OCA2: variants seen among roughly 807,000 people sequenced by gnomAD.
The protein encoded by OCA2 is OCA2 melanosomal transmembrane protein, also known as P protein.
In OCA2, 77 loss-of-function variants were observed where a neutral mutation model predicts 100.2. The ratio of observed to expected loss-of-function variants is 0.77; its 90% CI spans 0.64 to 0.93. The LOEUF (loss-of-function observed/expected upper bound fraction) is 0.93, where lower values mean the gene tolerates loss of function less well. OCA2 is among the 40% of genes least tolerant of loss of function. The pLI is 0.00. For missense variants in OCA2, 1,062 were observed against 1,089.1 expected, an observed-to-expected ratio of 0.98 and a Z score of 0.35; for synonymous variants, 432 against 439.2, an observed-to-expected ratio of 0.98 and a Z score of 0.21.
At chr15:27,998,367 C>A (rs1356153245) in intron 9 of OCA2, among the ~76,000 whole-genome samples, 1 of 93,830 alleles carries the variant, frequency 1.1e-5, no homozygotes, top group African/African-American at 2.7e-5. Context: ...AAACAAACAA[C>A]CCCATCAAAA....
chr15:27,746,463 AAAATAAATAAAT>A, the OCA2 span, among the ~76,000 whole-genome samples: 7 of 150,272 alleles, frequency 4.7e-5, no homozygotes, highest in African/African-American at 9.8e-5. Flanking sequence ...TCTGTATTAA[AAAATAAATAAAT>A]AAATAAATAA....
intron 3 of OCA2, among the ~76,000 whole-genome samples, 173 bp downstream of exon 3, chr15:28,031,892 A>C (rs1566821168): frequency 6.6e-6 from 1 of 152,172 alleles, no homozygotes; most frequent in Non-Finnish European, 1.5e-5. Context: ...CTGGAAATTA[A>C]TATCCACAGA....
At position 28,076,715 on chromosome 15, in the gene OCA2, C is replaced by T. The variant is rs557243116; in HGVS notation, c.227+4933G>A. On this transcript the variant is annotated intron_variant, in intron 2 of 23. Transcript: ENST00000354638. ...ACAAAAAATTAGCCGGGCGCGGTGG[C>T]GGGCGCCTGTAGTCCCAGCTACTCG... 1.3e-3 allele frequency among the ~76,000 whole-genome samples: 192 copies of T among 150,994 alleles called. 1 individual carries two copies. Among genetic ancestry groups the T allele is most frequent in the African/African-American group, 4.5e-3 (183 of 41,106 alleles).
At chr15:28,053,091 T>C (rs1360096453) in intron 2 of OCA2, among the ~76,000 whole-genome samples, 1 of 152,196 alleles carries the variant, frequency 6.6e-6, no homozygotes, top group East Asian at 1.9e-4. Flanking sequence ...AAAGCGAGAC[T>C]GGAAAGGCCA....
At chr15:27,981,135 AG>A (rs1241343359) in intron 14 of OCA2, among the ~76,000 whole-genome samples, 1 of 152,248 alleles carries the variant, frequency 6.6e-6, no homozygotes, top group Non-Finnish European at 1.5e-5. Flanking sequence ...CACTAATCCC[AG>A]CAAGTGTATT....
intron 9 of OCA2, among the ~76,000 whole-genome samples, chr15:28,004,311 T>C (rs1265121998): frequency 1.3e-5 from 2 of 151,498 alleles, no homozygotes; most frequent in Admixed American, 1.3e-4. Flanking sequence ...GTGTGCTGCA[T>C]TGTCCCCGGG....
At chr15:27,842,527 T>C (rs1443999161) in intron 23 of OCA2, among the ~76,000 whole-genome samples, 4 of 152,126 alleles carry the variant, frequency 2.6e-5, no homozygotes, top group African/African-American at 9.7e-5. Context: ...TTCATGCAAA[T>C]AAAGGCCCTA....
At chr15:27,847,162 C>T (rs921859827) in intron 22 of OCA2, among the ~76,000 whole-genome samples, 6 of 152,232 alleles carry the variant, frequency 3.9e-5, no homozygotes, top group African/African-American at 1.2e-4. Flanking sequence ...GACATCAACT[C>T]GTTAAGTCGC....
intron 18 of OCA2, among the ~76,000 whole-genome samples, chr15:27,927,303 A>T (rs1391778023): frequency 6.6e-6 from 1 of 152,186 alleles, no homozygotes; most frequent in Non-Finnish European, 1.5e-5. Context: ...AACAAAAAAA[A>T]GATCCTTCGC....
At chr15:27,788,770 AT>A (rs879488578) in intron 23 of OCA2, among the ~76,000 whole-genome samples, 11 of 150,708 alleles carry the variant, frequency 7.3e-5, no homozygotes, top group South Asian at 2.1e-4. Context: ...TATGTCTCAC[AT>A]TTTTTTTTGT....
the OCA2 span, among the ~76,000 whole-genome samples, chr15:27,730,303 G>T: frequency 6.6e-6 from 1 of 152,126 alleles, no homozygotes; most frequent in Non-Finnish European, 1.5e-5. Context: ...GGGAAGGAGG[G>T]GTGCACCGAG....
intron 1 of OCA2, among the ~76,000 whole-genome samples, chr15:28,083,553 G>C (rs910901234): frequency 1.3e-5 from 2 of 152,176 alleles, no homozygotes; most frequent in Non-Finnish European, 2.9e-5. Flanking sequence ...GTACATACCA[G>C]CTATAAAAAA....
intron 1 of OCA2, among the ~76,000 whole-genome samples, chr15:28,086,719 T>C (rs1421650342): frequency 1.3e-5 from 2 of 152,198 alleles, no homozygotes; most frequent in East Asian, 3.9e-4. Flanking sequence ...AATAAACACA[T>C]TTGAAACAAA....
At chr15:27,856,701 A>AACACACAC (rs34330347) in intron 21 of OCA2, among the ~76,000 whole-genome samples, 2 of 145,698 alleles carry the variant, frequency 1.4e-5, no homozygotes, top group Non-Finnish European at 3.1e-5. Context: ...ACACACCCCT[A>AACACACAC]ACACACACAC....
intron 14 of OCA2, among the ~76,000 whole-genome samples, chr15:27,974,685 T>C (rs1389837067): frequency 1.3e-5 from 2 of 152,152 alleles, no homozygotes; most frequent in Non-Finnish European, 2.9e-5. Flanking sequence ...GGAGAATTGC[T>C]TGAACCCAGG....
At chr15:27,780,556 A>G (rs534589521) in intron 23 of OCA2, among the ~76,000 whole-genome samples, 119 of 152,342 alleles carry the variant, frequency 7.8e-4, no homozygotes, top group Admixed American at 2.9e-3. Context: ...GTGTTATTCA[A>G]ATGAAATTCC....
At chr15:27,845,457 A>G (rs2035496282) in intron 22 of OCA2, among the ~76,000 whole-genome samples, 1 of 152,198 alleles carries the variant, frequency 6.6e-6, no homozygotes. Context: ...ACACACTAGG[A>G]AACTCTTTCA....
At chr15:28,028,110 A>G in intron 3 of OCA2, 51 bp from the exon 4 acceptor site, 1 of 1,600,594 alleles carries the variant, frequency 6.2e-7, no homozygotes, top group Non-Finnish European at 8.6e-7. Flanking sequence ...TAATGGCTAC[A>G]AAGCAAGCTT....
chr15:28,022,968 C>G (rs993602456), intron 5 of OCA2, among the ~76,000 whole-genome samples: 1 of 152,304 alleles, frequency 6.6e-6, no homozygotes, highest in East Asian at 1.9e-4. Context: ...GTAAATTAAA[C>G]TGATGATAAC....
Sources: allele counts gnomAD v4.1 joint callset (sites outside exome capture counted in the v4.1 genomes callset), GRCh38; gene constraint gnomAD v4.1.1; transcripts MANE v1.5; gene names NCBI Gene and HGNC (gene_info 2026-07-23, HGNC 2026-07-21).